Variants in ZFYVE28 observed in about 807,000 individuals in gnomAD.
ZFYVE28 encodes zinc finger FYVE-type containing 28.
In ZFYVE28, 40 loss-of-function variants were observed where a neutral mutation model predicts 82.1. The observed-to-expected ratio is 0.49, with a 90% CI of 0.38 to 0.63. ZFYVE28 has a LOEUF of 0.63. Ranked by LOEUF, ZFYVE28 falls within the 30% of genes least tolerant of loss-of-function variation. The pLI is 0.00. For synonymous variants in ZFYVE28, 612 were observed against 546.1 expected (o/e 1.12, Z -1.68); for missense variants, 1,321 against 1,242.1 (o/e 1.06, Z -0.96).
Position 2,320,339 on chromosome 4 carries a change from C to G in ZFYVE28, c.702-68G>C, listed in dbSNP as rs192776729. The G allele has an allele frequency of 1.7e-4, 246 of 1,472,680 alleles. 2 individuals are homozygous for G. The East Asian group carries it at 4.9e-3, about 29-fold the overall frequency. 91.2% of individuals were successfully genotyped at this position (1,472,680 alleles called of 1,614,324 possible). On this transcript the variant is annotated intron_variant, in intron 6 of 12. Coordinates refer to ENST00000290974, the MANE Select transcript of ZFYVE28 (RefSeq NM_020972.3). The surrounding 1 kb of genome is among the most constrained non-coding windows in gnomAD (Gnocchi z 5.1). ...CCCCTGGGTGCCGCGGACGGCCCAA[C>G]TTAACCACCTGCGAAAACCACGCCC...
intron 8 of ZFYVE28, among the ~76,000 whole-genome samples, chr4:2,291,135 A>G (rs1274797671): frequency 6.6e-6 from 1 of 152,138 alleles, no homozygotes; most frequent in Admixed American, 6.5e-5. Context: ...AGCTCTCTGA[A>G]CAGAAGCCAC....
At chr4:2,287,668 G>A (rs1712967052) in intron 8 of ZFYVE28, 1 of 152,280 alleles carries the variant, frequency 6.6e-6, no homozygotes, top group Admixed American at 6.5e-5. Flanking sequence ...CTGGAGCTAA[G>A]GGGAGGAAGG....
At chr4:2,357,809 G>C (rs531534372) in intron 1 of ZFYVE28, among the ~76,000 whole-genome samples, 1 of 151,230 alleles carries the variant, frequency 6.6e-6, no homozygotes, top group East Asian at 1.9e-4. Flanking sequence ...AAGAGGACAC[G>C]AGCAGGGGCC....
rs1387147617 is a variant in ZFYVE28, at chr4:2,312,734, AAAAAAAAAAAAAAAAAAG to A, written c.804-7216_804-7199del. ...AGAGCGAGACTCTGCCTCAAAAAAAAAAAAAAAAAAAAAAAAAGAAGTGTTTTGGGCCAGGTACAGTGG... is the reference window on the plus strand; with the variant it reads ...AGAGCGAGACTCTGCCTCAAAAAAAAAAGTGTTTTGGGCCAGGTACAGTGG... On this transcript the variant is annotated intron_variant, in intron 7 of 12. Transcript: ENST00000290974. Among the ~76,000 whole-genome samples, 338 of 149,008 alleles carry A rather than the reference AAAAAAAAAAAAAAAAAAG, an allele frequency of 2.3e-3. 1 individual carries two copies. The highest frequency in any genetic ancestry group is 7.8e-3 in the African/African-American group (318 of 40,608).
chr4:2,377,344 T>C (rs182865768), intron 1 of ZFYVE28, among the ~76,000 whole-genome samples: 96 of 152,332 alleles, frequency 6.3e-4, no homozygotes, highest in African/African-American at 2.3e-3. Context: ...TTTATCTCTA[T>C]TTTAGGACAC....
At chr4:2,379,131 C>G (rs918907199) in intron 1 of ZFYVE28, among the ~76,000 whole-genome samples, 5 of 152,150 alleles carry the variant, frequency 3.3e-5, no homozygotes, top group Non-Finnish European at 4.4e-5. Context: ...AGTGGCCAAG[C>G]CCCCCAGTCT....
At chr4:2,357,909 G>A (rs757373290) in intron 1 of ZFYVE28, among the ~76,000 whole-genome samples, 2 of 152,162 alleles carry the variant, frequency 1.3e-5, no homozygotes, top group African/African-American at 2.4e-5. Flanking sequence ...TCCCAGCAAC[G>A]CCAGGTCAAC....
intron 8 of ZFYVE28, among the ~76,000 whole-genome samples, chr4:2,290,119 A>G (rs1713383375): frequency 6.6e-6 from 1 of 152,156 alleles, no homozygotes. Context: ...CCCGGTCACC[A>G]GGCCCCCAGC....
chr4:2,368,922 A>C (rs1417365576), intron 1 of ZFYVE28, among the ~76,000 whole-genome samples: 3 of 152,194 alleles, frequency 2.0e-5, no homozygotes, highest in African/African-American at 7.2e-5. Flanking sequence ...TTCAACAATC[A>C]TAGAGCAGCA....
chr4:2,335,599 C>T lies in ZFYVE28; in HGVS notation c.701+106G>A, dbSNP rs1721555787. 5.6e-6 allele frequency: 6 copies of T among 1,070,600 alleles called. No homozygotes were observed. The highest frequency in any genetic ancestry group is 1.4e-5 in the South Asian group (1 of 70,150). The allele number at this position is 1,070,600 out of a possible 1,614,324, so 66.3% of individuals were successfully genotyped here. A position where few individuals can be genotyped will look rare whatever the true frequency, so the allele number is the denominator to read the frequency against. On this transcript the variant is annotated intron_variant, in intron 6 of 12. Coordinates refer to ENST00000290974, the MANE Select transcript of ZFYVE28 (RefSeq NM_020972.3). The surrounding 1 kb of genome is among the most constrained non-coding windows in gnomAD (Gnocchi z 5.8). ...CTGATCGGGACAGCTGAGCGGCCAC[C>T]GTGAGGTGGAGACGCCATGGACCGG...
intron 8 of ZFYVE28, among the ~76,000 whole-genome samples, chr4:2,293,430 G>A (rs1348037593): frequency 2.0e-5 from 3 of 151,646 alleles, no homozygotes; most frequent in African/African-American, 7.3e-5. Flanking sequence ...AATAAAGTGA[G>A]TTTAGCAAGA....
chr4:2,312,443 T>C (rs1449423037), intron 7 of ZFYVE28, among the ~76,000 whole-genome samples: 1 of 151,806 alleles, frequency 6.6e-6, no homozygotes, highest in Non-Finnish European at 1.5e-5. Context: ...TAGAAGTGTT[T>C]TGGGGCCGGG....
chr4:2,332,231 G>T lies in ZFYVE28; in HGVS notation c.701+3474C>A, dbSNP rs556413822. Among the ~76,000 whole-genome samples, 40 of 152,282 alleles carry T rather than the reference G, an allele frequency of 2.6e-4. No individual in the cohort carries two copies. Among genetic ancestry groups the T allele is most frequent in the African/African-American group, 9.1e-4 (38 of 41,564 alleles). Reference sequence around the variant, plus strand: ...AGTGTTCCCTGGGGGTCACCTGGGGGGTCCCAGGATGCCCACTTCACAGAG... The same window carrying T: ...AGTGTTCCCTGGGGGTCACCTGGGGTGTCCCAGGATGCCCACTTCACAGAG... On this transcript the variant is annotated intron_variant, in intron 6 of 12. Coordinates refer to ENST00000290974, the MANE Select transcript of ZFYVE28 (RefSeq NM_020972.3). The surrounding 1 kb of genome is among the most constrained non-coding windows in gnomAD (Gnocchi z 4.7).
chr4:2,374,210 G>A (rs372858674), intron 1 of ZFYVE28, among the ~76,000 whole-genome samples: 15 of 152,254 alleles, frequency 9.9e-5, no homozygotes, highest in South Asian at 8.3e-4. Context: ...GCAAGTACAC[G>A]GAAAAAACCA....
intron 1 of ZFYVE28, among the ~76,000 whole-genome samples, chr4:2,387,902 C>A (rs1219386285): frequency 1.3e-5 from 2 of 152,218 alleles, no homozygotes; most frequent in Non-Finnish European, 2.9e-5. Flanking sequence ...CAGCAGGACC[C>A]CTGAGCCTGG....
intron 1 of ZFYVE28, among the ~76,000 whole-genome samples, chr4:2,411,140 C>T (rs561560566): frequency 2.0e-5 from 3 of 152,248 alleles, no homozygotes; most frequent in African/African-American, 7.2e-5. Flanking sequence ...AAGCGCAGCA[C>T]AGCTGGAGCA....
intron 1 of ZFYVE28, among the ~76,000 whole-genome samples, chr4:2,398,697 TCGAGATCCAGGGCACAAGC>T (rs1560337997): frequency 0.027 from 2,351 of 85,988 alleles, 949 homozygotes; most frequent in Middle Eastern, 0.043. Flanking sequence ...CAATGGGGGG[TCGAGATCCAGGGCACAAGC>T]GGGGGCAAGA....
intron 7 of ZFYVE28, among the ~76,000 whole-genome samples, chr4:2,308,520 GA>G (rs1179278976): frequency 7.5e-6 from 1 of 132,564 alleles, no homozygotes; most frequent in Non-Finnish European, 1.6e-5. Flanking sequence ...GGGAGGGAGG[GA>G]GGGGAGGGGA....
chr4:2,328,972 C>T, intron 6 of ZFYVE28: 1 of 527,926 alleles, frequency 1.9e-6, no homozygotes, highest in Non-Finnish European at 3.4e-6. Context: ...CAATTTTATT[C>T]CATTGGTCTA....
Sources: allele counts gnomAD v4.1 joint callset (sites outside exome capture counted in the v4.1 genomes callset), GRCh38; gene constraint gnomAD v4.1.1; non-coding constraint Gnocchi (gnomAD v3.1); transcripts MANE v1.5; gene names NCBI Gene and HGNC (gene_info 2026-07-23, HGNC 2026-07-21).